TRPC6: variants seen among roughly 807,000 people sequenced by gnomAD.
TRPC6 encodes the protein short transient receptor potential channel 6.
A neutral mutation model predicts 90.7 loss-of-function variants in TRPC6; 55 were observed. The ratio of observed to expected loss-of-function variants is 0.61; its 90% CI spans 0.49 to 0.76. The LOEUF (loss-of-function observed/expected upper bound fraction) is 0.76, where lower values mean the gene tolerates loss of function less well. Among genes scored for constraint, TRPC6 ranks in the 30% least tolerant of loss-of-function variants. The pLI, the probability that TRPC6 is intolerant of heterozygous loss-of-function variation, is 0.00. For synonymous variants in TRPC6, 393 were observed against 393.0 expected, an observed-to-expected ratio of 1.00 and a Z score of 0.00; for missense variants, 989 against 1,122.7, an observed-to-expected ratio of 0.88 and a Z score of 1.70.
In TRPC6 at chr11:101,476,309, T is replaced by C. The variant is rs778018923; in HGVS notation, c.1736A>G (p.Tyr579Cys). The change falls in exon 6 of 13, where the codon TAC becomes TGC. Residue 579 changes from tyrosine to cysteine, a missense_variant. Physicochemically the swap from Tyr to Cys is radical, Grantham distance 194. This residue lies in a region of TRPC6 where 486 missense variants were observed against 591.9 expected (regional missense o/e 0.82). Transcript: ENST00000344327. ...KVTLGDNVKY[Y>C]NLARIKWDPS... Reference sequence around the variant, plus strand: ...CTGTACTGTAAACTCACCCAAATTGTAGTATTTCACATTGTCTCCCAATGT... The same window carrying C: ...CTGTACTGTAAACTCACCCAAATTGCAGTATTTCACATTGTCTCCCAATGT... 3.1e-6 allele frequency: 5 copies of C among 1,613,916 alleles called. No individual in the cohort carries two copies. In the South Asian group the frequency reaches 4.4e-5, roughly 14 times the overall value.
intron 10 of TRPC6, among the ~76,000 whole-genome samples, chr11:101,465,107 A>C (rs1859110813): frequency 6.6e-6 from 1 of 152,188 alleles, no homozygotes; most frequent in Non-Finnish European, 1.5e-5. Context: ...AGGATGTTGA[A>C]TATTGGTCCC....
intron 1 of TRPC6, among the ~76,000 whole-genome samples, chr11:101,560,115 A>T (rs891092050): frequency 6.6e-6 from 1 of 152,278 alleles, no homozygotes; most frequent in East Asian, 1.9e-4. Context: ...ATGGTGGCAT[A>T]TGAGTGGGCA....
At chr11:101,481,920 C>T (rs575478486) in intron 5 of TRPC6, among the ~76,000 whole-genome samples, 64 of 152,272 alleles carry the variant, frequency 4.2e-4, no homozygotes, top group Non-Finnish European at 8.1e-4. Context: ...CATCATATTT[C>T]GAGTGTGCGA....
chr11:101,516,128 G>A (rs1860516235), intron 1 of TRPC6, among the ~76,000 whole-genome samples: 1 of 128,438 alleles, frequency 7.8e-6, no homozygotes. Flanking sequence ...AAAAAGCAGA[G>A]TTTCAATATC....
intron 10 of TRPC6, among the ~76,000 whole-genome samples, chr11:101,467,319 C>A (rs1859172401): frequency 6.6e-6 from 1 of 152,104 alleles, no homozygotes; most frequent in Non-Finnish European, 1.5e-5. Context: ...TCTGTCCTCA[C>A]TGGATTAATA....
chr11:101,485,744 A>T (rs1392037251), intron 4 of TRPC6, among the ~76,000 whole-genome samples: 1 of 152,178 alleles, frequency 6.6e-6, no homozygotes, highest in Non-Finnish European at 1.5e-5. Context: ...AAATTAAAGT[A>T]GAACCAAATA....
At chr11:101,478,429 G>A (rs372298502) in intron 5 of TRPC6, among the ~76,000 whole-genome samples, 1 of 152,066 alleles carries the variant, frequency 6.6e-6, no homozygotes, top group Non-Finnish European at 1.5e-5. Context: ...CAAGCATGGG[G>A]ACTAAAGGGA....
At chr11:101,492,583 A>G (rs1330076319) in intron 2 of TRPC6, among the ~76,000 whole-genome samples, 3 of 57,632 alleles carry the variant, frequency 5.2e-5, no homozygotes, top group African/African-American at 3.7e-4. Flanking sequence ...ACCCTGTCTA[A>G]AAAAAAAAGA....
intron 5 of TRPC6, among the ~76,000 whole-genome samples, chr11:101,482,473 A>G (rs1859574369): frequency 6.6e-6 from 1 of 152,338 alleles, no homozygotes; most frequent in African/African-American, 2.4e-5. Context: ...ATTATACATT[A>G]TAGACTAGAA....
chr11:101,583,410 G>C lies in TRPC6; in HGVS notation c.94C>G (p.Leu32Val). Reference sequence around the variant, plus strand: ...TCTCCCAGCTCCGAGTCCATGAGCAGATAGTCCTGGCTCTCGTTGCGCCGC... The same window carrying C: ...TCTCCCAGCTCCGAGTCCATGAGCACATAGTCCTGGCTCTCGTTGCGCCGC... Reference protein sequence around the residue: ...AARRNESQDYLLMDSELGEDG... With the variant: ...AARRNESQDYVLMDSELGEDG... The change falls in exon 1 of 13, where the codon CTG becomes GTG. Residue 32 changes from leucine to valine, a missense_variant. By Grantham distance (32) the Leu-to-Val change is conservative. Around this residue, in one of 4 missense-constraint regions of TRPC6, gnomAD observed 194 missense variants for 136.5 expected, o/e 1.42. Transcript: ENST00000344327. The C allele has an allele frequency of 6.3e-7, 1 of 1,581,984 alleles. No individual in the cohort carries two copies. The highest frequency in any genetic ancestry group is 8.6e-7 in the Non-Finnish European group (1 of 1,163,798).
At chr11:101,499,455 C>T (rs1860035490) in intron 2 of TRPC6, among the ~76,000 whole-genome samples, 1 of 151,072 alleles carries the variant, frequency 6.6e-6, no homozygotes, top group African/African-American at 2.4e-5. Flanking sequence ...TACTATTTAT[C>T]CTTTTTTAAT....
intron 1 of TRPC6, among the ~76,000 whole-genome samples, chr11:101,508,166 C>CACA (rs751952299): frequency 2.0e-5 from 3 of 152,094 alleles, no homozygotes; most frequent in Non-Finnish European, 2.9e-5. Context: ...TTGCACACAT[C>CACA]ACAATTTAGA....
intron 1 of TRPC6, among the ~76,000 whole-genome samples, chr11:101,538,700 A>C (rs11224825): frequency 0.24 from 36,415 of 152,188 alleles, 4,502 homozygotes; most frequent in Admixed American, 0.28. Context: ...GACGTAAGGC[A>C]GAATGAGAGA....
intron 10 of TRPC6, among the ~76,000 whole-genome samples, chr11:101,468,461 G>C (rs1047264921): frequency 6.3e-4 from 96 of 152,274 alleles, no homozygotes; most frequent in African/African-American, 2.0e-3. Flanking sequence ...CTCCCTCCTT[G>C]TCATTTGTAT....
intron 1 of TRPC6, among the ~76,000 whole-genome samples, chr11:101,548,280 A>ATATATATATATATATATATTT (rs71303295): frequency 1.5e-5 from 2 of 135,514 alleles, no homozygotes; most frequent in South Asian, 2.2e-4. Context: ...TATAATTTAT[A>ATATATATATATATATATATTT]TATATAATTA....
At chr11:101,453,906 C>A (rs1858823270) in intron 11 of TRPC6, among the ~76,000 whole-genome samples, 181 bp from the exon 12 acceptor site, 1 of 152,122 alleles carries the variant, frequency 6.6e-6, no homozygotes, top group Admixed American at 6.6e-5. Context: ...CTTTTTAAAG[C>A]AGTTTTCACA....
chr11:101,558,293 GTATATGGGTATACATGTATATATGTAT>G (rs1408307705), intron 1 of TRPC6, among the ~76,000 whole-genome samples: 10 of 136,950 alleles, frequency 7.3e-5, no homozygotes, highest in African/African-American at 2.3e-4. Context: ...ATGTATACAT[GTATATGGGTATACATGTATATATGTAT>G]ACATGTATAT....
intron 1 of TRPC6, among the ~76,000 whole-genome samples, chr11:101,531,133 T>C (rs1193845691): frequency 1.3e-5 from 2 of 152,224 alleles, no homozygotes; most frequent in Admixed American, 6.5e-5. Flanking sequence ...GTGATGGATG[T>C]GTTGATTACT....
chr11:101,522,022 C>CT (rs1206782122), intron 1 of TRPC6, among the ~76,000 whole-genome samples: 1 of 152,096 alleles, frequency 6.6e-6, no homozygotes, highest in African/African-American at 2.4e-5. Context: ...GAACTGTGGA[C>CT]TTTTGAGTTA....
Sources: allele counts gnomAD v4.1 joint callset (sites outside exome capture counted in the v4.1 genomes callset), GRCh38; gene constraint gnomAD v4.1.1; regional missense constraint gnomAD v4.1.1; transcripts MANE v1.5; gene names NCBI Gene and HGNC (gene_info 2026-07-23, HGNC 2026-07-21).